Variants in SMARCA1 observed in about 807,000 individuals in gnomAD.
SMARCA1 encodes the protein SWI/SNF-related matrix-associated actin-dependent regulator of chromatin subfamily A member 1.
A neutral mutation model predicts 93.6 loss-of-function variants in SMARCA1; 17 were observed. The observed-to-expected ratio is 0.18, with a 90% CI of 0.12 to 0.27. The LOEUF (loss-of-function observed/expected upper bound fraction) is 0.27. Among genes scored for constraint, SMARCA1 ranks in the 10% least tolerant of loss-of-function variants. The probability of loss-of-function intolerance (pLI) is 1.00; values close to 1 mark genes in which losing one functional copy is unlikely to be tolerated. For missense variants in SMARCA1, 630 were observed against 819.0 expected (o/e 0.77, Z 2.82); for synonymous variants, 271 against 271.4 (o/e 1.00, Z 0.01).
intron 3 of SMARCA1, 107 bp from the exon 4 acceptor site, chrX:129,516,101 A>T: frequency 1.5e-6 from 1 of 669,909 alleles, no homozygotes; most frequent in Non-Finnish European, 2.3e-6. Context: ...TGAGTTGTCC[A>T]AGGTCTTGCT....
intron 19 of SMARCA1, among the ~76,000 whole-genome samples, chrX:129,472,071 C>T (rs141848244): frequency 6.3e-5 from 7 of 111,823 alleles, no homozygotes; most frequent in African/African-American, 1.9e-4. Context: ...CAAGTTGTCA[C>T]CTGTATCTCA....
intron 23 of SMARCA1, among the ~76,000 whole-genome samples, chrX:129,463,231 G>T (rs1932836402): frequency 9.0e-6 from 1 of 111,720 alleles, no homozygotes; most frequent in African/African-American, 3.2e-5. Context: ...CAAGCTGTTA[G>T]TGGTGCTCTA....
intron 20 of SMARCA1, among the ~76,000 whole-genome samples, chrX:129,470,492 C>T (rs1423081636): frequency 9.0e-6 from 1 of 111,076 alleles, no homozygotes; most frequent in Non-Finnish European, 1.9e-5. Context: ...GAAATTATTC[C>T]ATTAATAAAA....
chrX:129,485,210 G>A (rs1933843124), intron 17 of SMARCA1, among the ~76,000 whole-genome samples: 1 of 112,251 alleles, frequency 8.9e-6, no homozygotes, highest in South Asian at 3.7e-4. Context: ...CTGGAGGCAG[G>A]GCTGCCCAAG....
chrX:129,508,700 C>T (rs899929448), intron 6 of SMARCA1, among the ~76,000 whole-genome samples: 7 of 112,294 alleles, frequency 6.2e-5, no homozygotes, highest in Non-Finnish European at 1.9e-5. Context: ...CTGTCTAGTA[C>T]AGGAGGCTAT....
chrX:129,457,437 T>C (rs1379861756), intron 23 of SMARCA1, among the ~76,000 whole-genome samples: 1 of 112,135 alleles, frequency 8.9e-6, no homozygotes, highest in African/African-American at 3.2e-5. Flanking sequence ...TTTTACTTAA[T>C]TCCATTGACA....
chrX:129,500,123 T>C (rs867319776), intron 9 of SMARCA1, among the ~76,000 whole-genome samples: 8 of 87,467 alleles, frequency 9.1e-5, no homozygotes, highest in Non-Finnish European at 1.8e-4. Context: ...AAAGAACCCT[T>C]AAAAAAAAAA....
chrX:129,463,162 G>C (rs746178316), intron 23 of SMARCA1, among the ~76,000 whole-genome samples: 3 of 111,570 alleles, frequency 2.7e-5, no homozygotes, highest in African/African-American at 9.7e-5. Context: ...TCACAGAAAA[G>C]GGTATGTATA....
chrX:129,465,803 A>G (rs1932894626), intron 22 of SMARCA1, 41 bp downstream of exon 22: 1 of 1,061,918 alleles, frequency 9.4e-7, no homozygotes, highest in South Asian at 2.2e-5. Context: ...CACTATTTCA[A>G]TTAAAACGAT....
At chrX:129,519,185 A>G (rs1170279324) in intron 1 of SMARCA1, among the ~76,000 whole-genome samples, 1 of 111,835 alleles carries the variant, frequency 8.9e-6, no homozygotes, top group Non-Finnish European at 1.9e-5. Flanking sequence ...CAATAACTTA[A>G]TATAGAGATT....
intron 3 of SMARCA1, 150 bp from the exon 4 acceptor site, chrX:129,516,144 TG>T (rs1935190930): frequency 1.7e-6 from 1 of 588,471 alleles, no homozygotes; most frequent in African/African-American, 2.3e-5. Flanking sequence ...ACATTTTTAC[TG>T]ATCAGCCTCT....
At chrX:129,479,759 G>A (rs184487104) in intron 19 of SMARCA1, among the ~76,000 whole-genome samples, 3,490 of 108,469 alleles carry the variant, frequency 0.032, 71 homozygotes, top group Non-Finnish European at 0.048. Context: ...GTGCAGTGGC[G>A]CGATCTCAGC....
At chrX:129,481,047 C>A in intron 18 of SMARCA1, 28 bp downstream of exon 18, 1 of 952,874 alleles carries the variant, frequency 1.0e-6, no homozygotes, top group Middle Eastern at 2.6e-4. Flanking sequence ...TACTTTAGGA[C>A]ATAAAAACTG....
At chrX:129,468,718 C>T in intron 21 of SMARCA1, 55 bp downstream of exon 21, 1 of 898,348 alleles carries the variant, frequency 1.1e-6, no homozygotes, top group East Asian at 3.3e-5. Context: ...TAAATTGATG[C>T]TAAATAAATG....
intron 21 of SMARCA1, among the ~76,000 whole-genome samples, chrX:129,467,969 A>ATTCT (rs1426949111): frequency 8.9e-6 from 1 of 112,521 alleles, no homozygotes; most frequent in East Asian, 2.8e-4. Flanking sequence ...GGAAGTTAGA[A>ATTCT]AAGTCCCATG....
chrX:129,471,403 C>T lies in SMARCA1; in HGVS notation c.2443-77G>A. The T allele has an allele frequency of 7.8e-6, 5 of 637,617 alleles. No homozygotes were observed. The South Asian group carries it at 1.9e-4, about 24-fold the overall frequency. The allele number at this position is 637,617 out of a possible 1,213,427, so 52.5% of individuals were successfully genotyped here. A position where few individuals can be genotyped will look rare whatever the true frequency, so the allele number is the denominator to read the frequency against. Reference sequence around the variant, plus strand: ...TAAGGCTGTATATACACATATCAATCTTTAGAGTTATTTCAAGAGTAAACA... The same window carrying T: ...TAAGGCTGTATATACACATATCAATTTTTAGAGTTATTTCAAGAGTAAACA... On this transcript the variant is annotated intron_variant, in intron 19 of 24. Coordinates refer to ENST00000371121, the MANE Select transcript of SMARCA1 (RefSeq NM_001282874.2).
At position 129,515,516 on chromosome X, in the gene SMARCA1, G is replaced by T. The variant is rs142621042; in HGVS notation, c.630+171C>A. Reference sequence around the variant, plus strand: ...GCACTCAAGCCTGGAAACACAAAGAGATCCTCTCTCAAAAAAATAATAATA... The same window carrying T: ...GCACTCAAGCCTGGAAACACAAAGATATCCTCTCTCAAAAAAATAATAATA... On this transcript the variant is annotated intron_variant, in intron 5 of 24. Transcript: ENST00000371121. Among the ~76,000 whole-genome samples, 23 of 110,851 alleles carry T rather than the reference G, an allele frequency of 2.1e-4. No homozygotes were observed. The East Asian group carries it at 5.4e-3, about 26-fold the overall frequency.
chrX:129,511,309 A>G (rs1482274563), intron 6 of SMARCA1, among the ~76,000 whole-genome samples: 1 of 111,707 alleles, frequency 9.0e-6, no homozygotes, highest in East Asian at 2.8e-4. Flanking sequence ...CATAAACACA[A>G]AACACGAGGC....
chrX:129,468,967 T>A (rs1933001286), intron 20 of SMARCA1, 62 bp from the exon 21 acceptor site: 2 of 727,878 alleles, frequency 2.7e-6, no homozygotes, highest in Non-Finnish European at 4.0e-6. Context: ...TTTATTGCCC[T>A]ATTTACTTCT....
Sources: gnomAD v4.1 joint callset for allele counts (sites outside exome capture counted in the v4.1 genomes callset) on GRCh38, gnomAD v4.1.1 for gene constraint, MANE v1.5 for transcripts, NCBI Gene and HGNC (gene_info 2026-07-23, HGNC 2026-07-21) for gene names.